The following PLOD2 variants were observed in gnomAD, a reference collection of about 807,000 sequenced individuals.
The protein encoded by PLOD2 is lysine hydroxylase 2.
A neutral mutation model predicts 101.0 loss-of-function variants in PLOD2; 65 were observed. The observed-to-expected ratio is 0.64, with a 90% CI of 0.53 to 0.79. PLOD2 has a LOEUF of 0.79. PLOD2 is among the 30% of genes least tolerant of loss of function. The pLI, the probability that PLOD2 is intolerant of heterozygous loss-of-function variation, is 0.00. For synonymous variants in PLOD2, 314 were observed against 302.9 expected (o/e 1.04, Z -0.38); for missense variants, 909 against 914.6 (o/e 0.99, Z 0.08).
chr3:146,125,151 A>G (rs749742723), intron 1 of PLOD2, among the ~76,000 whole-genome samples: 2 of 152,140 alleles, frequency 1.3e-5, no homozygotes, highest in East Asian at 3.9e-4. Context: ...CATCTTTTCA[A>G]TATTCTCTGA....
At chr3:146,086,696 T>C in intron 10 of PLOD2, 91 bp downstream of exon 10, 2 of 914,242 alleles carry the variant, frequency 2.2e-6, no homozygotes, top group South Asian at 1.9e-5. Context: ...ACACCCAAAT[T>C]TGGCATAACA....
chr3:146,160,057 A>G (rs988428247), intron 1 of PLOD2, among the ~76,000 whole-genome samples: 1 of 152,240 alleles, frequency 6.6e-6, no homozygotes, highest in Non-Finnish European at 1.5e-5. Context: ...AACAAAAAGG[A>G]CATTAGAAGG....
chr3:146,155,268 G>C (rs150958748), intron 1 of PLOD2, among the ~76,000 whole-genome samples: 5 of 152,120 alleles, frequency 3.3e-5, no homozygotes, highest in African/African-American at 1.2e-4. Context: ...AGGCTGTAGT[G>C]AGCTATGATA....
chr3:146,083,838 C>A (rs1484283678), intron 11 of PLOD2, among the ~76,000 whole-genome samples: 1 of 151,912 alleles, frequency 6.6e-6, no homozygotes, highest in East Asian at 1.9e-4. Context: ...ACCTTGGCCT[C>A]CCAAAGTGCT....
At chr3:146,145,677 C>G (rs1179080267) in intron 1 of PLOD2, among the ~76,000 whole-genome samples, 1 of 152,076 alleles carries the variant, frequency 6.6e-6, no homozygotes, top group Admixed American at 6.6e-5. Flanking sequence ...TGGTAGTCCA[C>G]AAAGTTTTCT....
intron 2 of PLOD2, among the ~76,000 whole-genome samples, chr3:146,122,825 T>A (rs897299461): frequency 5.9e-5 from 9 of 152,276 alleles, no homozygotes; most frequent in African/African-American, 1.9e-4. Context: ...TAACAGCATA[T>A]CATATATAAA....
At chr3:146,119,084 G>C (rs1050203592) in intron 3 of PLOD2, among the ~76,000 whole-genome samples, 2 of 152,132 alleles carry the variant, frequency 1.3e-5, no homozygotes, top group African/African-American at 4.8e-5. Context: ...GGTTGGGTGG[G>C]AGGTGATTGG....
chr3:146,147,436 G>A (rs1417949281), intron 1 of PLOD2, among the ~76,000 whole-genome samples: 1 of 152,096 alleles, frequency 6.6e-6, no homozygotes, highest in African/African-American at 2.4e-5. Flanking sequence ...ACTAGAAGCG[G>A]GGCAGTGAAA....
At chr3:146,116,188 A>G (rs192817863) in intron 3 of PLOD2, among the ~76,000 whole-genome samples, 1 of 152,120 alleles carries the variant, frequency 6.6e-6, no homozygotes, top group Admixed American at 6.6e-5. Context: ...TAACATCACA[A>G]ACCAATACTA....
Position 146,104,311 on chromosome 3 carries a change from C to G in PLOD2, c.647G>C (p.Cys216Ser). The change falls in exon 6 of 20, where the codon TGC becomes TCC. Residue 216 changes from cysteine (C) to serine (S), a missense_variant. By Grantham distance (112) the Cys-to-Ser change is moderately radical. Transcript: ENST00000282903. ...EAINITLDHK[C>S]KIFQTLNGAV... ...TCCATTTAAGGTCTGGAAAATTTTG[C>G]ATTTGTGATCCAATGTGATGTTAAT... 1 of 1,590,364 alleles carries G rather than the reference C, an allele frequency of 6.3e-7. No homozygotes were observed. The highest frequency in any genetic ancestry group is 8.6e-7 in the Non-Finnish European group (1 of 1,158,520).
rs1936334834 is a variant in PLOD2 at position 146,076,360 on chromosome 3, G to GT, written c.1677+421dup. The GT allele has an allele frequency of 1.9e-5, 3 of 156,780 alleles. No homozygotes were observed. In the South Asian group the frequency reaches 5.7e-4, roughly 30 times the overall value. 9.7% of individuals were successfully genotyped at this position (156,780 alleles called of 1,614,324 possible). On this transcript the variant is annotated intron_variant, in intron 15 of 19. Transcript: ENST00000282903. ...CCAATCCACCATTAATGAACACCTA[G>GT]TTTAAGTCCATGTCTTTGCTACTGT... is the stretch of plus-strand genomic sequence containing the variant.
chr3:146,091,606 G>T (rs1333566132), intron 8 of PLOD2, among the ~76,000 whole-genome samples, 194 bp downstream of exon 8: 1 of 151,804 alleles, frequency 6.6e-6, no homozygotes, highest in East Asian at 1.9e-4. Flanking sequence ...TTATTAGCTG[G>T]TTTTTCTGTC....
At chr3:146,112,776 G>A (rs185397575) in intron 3 of PLOD2, among the ~76,000 whole-genome samples, 5 of 151,194 alleles carry the variant, frequency 3.3e-5, no homozygotes, top group South Asian at 2.1e-4. Flanking sequence ...GCTTGAACCC[G>A]AGAGGTGGAG....
chr3:146,160,796 G>A, intron 1 of PLOD2, 85 bp downstream of exon 1: 1 of 867,002 alleles, frequency 1.2e-6, no homozygotes, highest in Non-Finnish European at 1.9e-6. Context: ...CACCTGGCCA[G>A]CCCCGCGGAA....
At chr3:146,112,688 T>C (rs1937699348) in intron 3 of PLOD2, among the ~76,000 whole-genome samples, 1 of 151,862 alleles carries the variant, frequency 6.6e-6, no homozygotes, top group South Asian at 2.1e-4. Flanking sequence ...CCATCTCTAC[T>C]AAAAATACAA....
intron 1 of PLOD2, among the ~76,000 whole-genome samples, chr3:146,157,596 A>T (rs2032362052): frequency 6.6e-6 from 1 of 152,238 alleles, no homozygotes; most frequent in Non-Finnish European, 1.5e-5. Context: ...ATCAACGGTC[A>T]ATTCCCATCC....
chr3:146,088,211 T>C (rs1936852072), intron 9 of PLOD2, among the ~76,000 whole-genome samples: 1 of 151,724 alleles, frequency 6.6e-6, no homozygotes, highest in African/African-American at 2.4e-5. Flanking sequence ...AGTTCTTATA[T>C]GTTATTGTCT....
intron 3 of PLOD2, among the ~76,000 whole-genome samples, chr3:146,119,186 G>A (rs1938064847): frequency 6.6e-6 from 1 of 151,988 alleles, no homozygotes; most frequent in East Asian, 1.9e-4. Context: ...TTAAAAGCAT[G>A]TAGCACATCC....
intron 3 of PLOD2, among the ~76,000 whole-genome samples, chr3:146,117,105 A>C: frequency 6.6e-6 from 1 of 152,140 alleles, no homozygotes; most frequent in East Asian, 1.9e-4. Flanking sequence ...TTACACTTAC[A>C]AATGTTTATG....
Sources: allele counts gnomAD v4.1 joint callset (sites outside exome capture counted in the v4.1 genomes callset), GRCh38; gene constraint gnomAD v4.1.1; transcripts MANE v1.5; gene names NCBI Gene and HGNC (gene_info 2026-07-23, HGNC 2026-07-21).